Variants in SLCO3A1 observed in about 807,000 individuals in gnomAD.
SLCO3A1 encodes the protein solute carrier organic anion transporter family member 3A1, also known as PGE1 transporter.
SLCO3A1 carries 27 observed loss-of-function variants against 63.1 expected under a neutral mutation model. The observed-to-expected ratio is 0.43, with a 90% CI of 0.32 to 0.59. The LOEUF (loss-of-function observed/expected upper bound fraction) is 0.59. Ranked by LOEUF, SLCO3A1 falls within the 20% of genes least tolerant of loss-of-function variation. The pLI is 0.09. For synonymous variants in SLCO3A1, 473 were observed against 409.9 expected, an observed-to-expected ratio of 1.15 and a Z score of -1.86; for missense variants, 773 against 945.8, an observed-to-expected ratio of 0.82 and a Z score of 2.40.
At chr15:92,116,143 T>A (rs1273856552) in intron 4 of SLCO3A1, among the ~76,000 whole-genome samples, 1 of 152,190 alleles carries the variant, frequency 6.6e-6, no homozygotes, top group East Asian at 1.9e-4. Context: ...GGGGATTTAA[T>A]AGTCCCAAGA....
At chr15:92,045,969 C>T (rs1451225123) in intron 2 of SLCO3A1, among the ~76,000 whole-genome samples, 3 of 152,062 alleles carry the variant, frequency 2.0e-5, no homozygotes, top group African/African-American at 4.8e-5. Context: ...TACACCGGTG[C>T]GCATCTGTGG....
At chr15:91,989,036 G>A (rs986198354) in intron 2 of SLCO3A1, among the ~76,000 whole-genome samples, 1 of 152,222 alleles carries the variant, frequency 6.6e-6, no homozygotes, top group Non-Finnish European at 1.5e-5. Context: ...TAGGCTCTCC[G>A]TAACCTGACT....
At chr15:91,996,259 A>G (rs183620448) in intron 2 of SLCO3A1, among the ~76,000 whole-genome samples, 1 of 152,318 alleles carries the variant, frequency 6.6e-6, no homozygotes, top group African/African-American at 2.4e-5. Flanking sequence ...AATCAAAACC[A>G]TAAGGTATCT....
At chr15:92,103,416 T>TACCAAACCATACCATACCAA (rs1349869702) in intron 3 of SLCO3A1, among the ~76,000 whole-genome samples, 2 of 152,156 alleles carry the variant, frequency 1.3e-5, no homozygotes, top group East Asian at 3.8e-4. Context: ...GAAATAGTGG[T>TACCAAACCATACCATACCAA]ACAGTGCCAC....
At chr15:91,907,139 T>C (rs1035976056) in intron 1 of SLCO3A1, among the ~76,000 whole-genome samples, 2 of 152,102 alleles carry the variant, frequency 1.3e-5, no homozygotes, top group Non-Finnish European at 2.9e-5. Flanking sequence ...GTGCAAATAG[T>C]GAAGTAGAGA....
At chr15:91,867,150 C>T (rs993252646) in intron 1 of SLCO3A1, among the ~76,000 whole-genome samples, 1 of 152,234 alleles carries the variant, frequency 6.6e-6, no homozygotes, top group South Asian at 2.1e-4. Flanking sequence ...GCATCTCTCT[C>T]GGCCAAGCTT....
chr15:91,953,236 C>T (rs1480204858), intron 2 of SLCO3A1, among the ~76,000 whole-genome samples: 4 of 152,194 alleles, frequency 2.6e-5, no homozygotes, highest in Non-Finnish European at 4.4e-5. Context: ...CTCGCTCATT[C>T]GCTCACTCGT....
rs1896852922 is a variant in SLCO3A1 at position 91,854,255 on chromosome 15, G to C, written c.180+167G>C. On this transcript the variant is annotated intron_variant, in intron 1 of 9. Coordinates refer to ENST00000318445, the MANE Select transcript of SLCO3A1 (RefSeq NM_013272.4). The surrounding 1 kb of genome is among the most constrained non-coding windows in gnomAD (Gnocchi z 6.4). ...AGAGGCGGCCGCCGGGGGAGCTGCCGGCCGGGGCTGCCAGCGAGCGGGTAG... is the reference window on the plus strand; with the variant it reads ...AGAGGCGGCCGCCGGGGGAGCTGCCCGCCGGGGCTGCCAGCGAGCGGGTAG... 2.6e-6 allele frequency: 3 copies of C among 1,134,488 alleles called. No individual in the cohort carries two copies. In the South Asian group the frequency reaches 1.3e-4, roughly 51 times the overall value. The allele number at this position is 1,134,488 out of a possible 1,614,324, so 70.3% of individuals were successfully genotyped here.
intron 3 of SLCO3A1, among the ~76,000 whole-genome samples, chr15:92,103,009 T>G (rs1173727735): frequency 6.6e-6 from 1 of 152,170 alleles, no homozygotes; most frequent in Non-Finnish European, 1.5e-5. Context: ...GCTGGAACAG[T>G]TAAGAATGTG....
At chr15:92,031,296 T>G (rs2151479743) in intron 2 of SLCO3A1, among the ~76,000 whole-genome samples, 1 of 152,258 alleles carries the variant, frequency 6.6e-6, no homozygotes, top group South Asian at 2.1e-4. Flanking sequence ...ATAAAAAGAC[T>G]TGGAAAAGCA....
intron 2 of SLCO3A1, among the ~76,000 whole-genome samples, chr15:92,044,668 C>T (rs1037396300): frequency 2.6e-5 from 4 of 152,144 alleles, no homozygotes; most frequent in Admixed American, 2.0e-4. Flanking sequence ...AGGCAGCCCA[C>T]GGAATTGCTC....
At chr15:91,857,019 AAGG>A (rs1396496328) in intron 1 of SLCO3A1, among the ~76,000 whole-genome samples, 2 of 150,190 alleles carry the variant, frequency 1.3e-5, no homozygotes, top group South Asian at 2.1e-4. Flanking sequence ...CAACTTTGAG[AAGG>A]AGGACTCGTG....
chr15:91,879,191 G>T (rs886738550), intron 1 of SLCO3A1, among the ~76,000 whole-genome samples: 2 of 152,126 alleles, frequency 1.3e-5, no homozygotes, highest in Admixed American at 6.5e-5. Context: ...TTGGCATAAG[G>T]GTTCTACTAA....
intron 2 of SLCO3A1, among the ~76,000 whole-genome samples, chr15:92,088,558 G>T (rs530365494): frequency 6.6e-6 from 1 of 152,272 alleles, no homozygotes; most frequent in Non-Finnish European, 1.5e-5. Flanking sequence ...TACGCTTCTG[G>T]AGGTCAGACA....
intron 9 of SLCO3A1, among the ~76,000 whole-genome samples, chr15:92,152,682 A>T (rs953555421): frequency 6.6e-6 from 1 of 152,200 alleles, no homozygotes; most frequent in Non-Finnish European, 1.5e-5. Flanking sequence ...GATGTGTAAT[A>T]TTAACTGGCA....
At chr15:91,864,663 G>A (rs1897123732) in intron 1 of SLCO3A1, among the ~76,000 whole-genome samples, 1 of 152,082 alleles carries the variant, frequency 6.6e-6, no homozygotes, top group Admixed American at 6.5e-5. Context: ...ACAGGGAGGT[G>A]ATTAAAAATA....
At chr15:92,003,182 A>G (rs12593984) in intron 2 of SLCO3A1, among the ~76,000 whole-genome samples, 47,219 of 152,014 alleles carry the variant, frequency 0.31, 7,511 homozygotes, top group Admixed American at 0.35. Context: ...CTGTCATATT[A>G]TTTATTGCTA....
intron 2 of SLCO3A1, among the ~76,000 whole-genome samples, chr15:91,961,376 G>C (rs1407811223): frequency 2.0e-5 from 3 of 152,224 alleles, no homozygotes; most frequent in Non-Finnish European, 4.4e-5. Flanking sequence ...TGCCTGAAGG[G>C]CATAGGCAAT....
intron 1 of SLCO3A1, among the ~76,000 whole-genome samples, chr15:91,857,808 G>C (rs79487367): frequency 0.016 from 2,376 of 152,278 alleles, 27 homozygotes; most frequent in Non-Finnish European, 0.023. Flanking sequence ...ACTTCTAGAT[G>C]ATTAGTTTGA....
Sources: gnomAD v4.1 joint callset for allele counts (sites outside exome capture counted in the v4.1 genomes callset) on GRCh38, gnomAD v4.1.1 for gene constraint, Gnocchi (gnomAD v3.1) non-coding constraint, MANE v1.5 for transcripts, NCBI Gene and HGNC (gene_info 2026-07-23, HGNC 2026-07-21) for gene names.